KCND2: variants seen among roughly 807,000 people sequenced by gnomAD.
KCND2 encodes the protein A-type voltage-gated potassium channel KCND2.
KCND2 carries 16 observed loss-of-function variants against 54.4 expected under a neutral mutation model. The ratio of observed to expected loss-of-function variants is 0.29; its 90% CI spans 0.20 to 0.45. KCND2 has a LOEUF of 0.45. Among genes scored for constraint, KCND2 ranks in the 20% least tolerant of loss-of-function variants. The probability of loss-of-function intolerance (pLI) is 1.00; values close to 1 mark genes in which losing one functional copy is unlikely to be tolerated. For synonymous variants in KCND2, 317 were observed against 310.7 expected (o/e 1.02, Z -0.21); for missense variants, 486 against 824.2 (o/e 0.59, Z 5.02).
intron 1 of KCND2, among the ~76,000 whole-genome samples, chr7:120,335,570 G>T (rs1048103613): frequency 2.0e-5 from 3 of 151,018 alleles, no homozygotes; most frequent in African/African-American, 4.9e-5. Flanking sequence ...CACTGCAAGC[G>T]CCACCTCCGG....
At chr7:120,617,552 T>G (rs1228766856) in intron 1 of KCND2, among the ~76,000 whole-genome samples, 2 of 152,200 alleles carry the variant, frequency 1.3e-5, no homozygotes, top group Admixed American at 1.3e-4. Flanking sequence ...GAATGTAAAT[T>G]AGTTCAGTCA....
intron 1 of KCND2, among the ~76,000 whole-genome samples, chr7:120,654,785 T>C (rs1049041954): frequency 1.2e-4 from 18 of 152,192 alleles, no homozygotes; most frequent in Middle Eastern, 3.4e-3. Context: ...CATTAGTGGA[T>C]GGAGATATAG....
intron 1 of KCND2, among the ~76,000 whole-genome samples, chr7:120,698,022 CTTTTTTTTTTT>C (rs35589294): frequency 3.5e-5 from 3 of 85,594 alleles, no homozygotes; most frequent in South Asian, 8.8e-4. Context: ...TAGATTTGCC[CTTTTTTTTTTT>C]TTTTTTTTTT....
chr7:120,717,953 G>A (rs142076737), intron 1 of KCND2, among the ~76,000 whole-genome samples: 84 of 152,184 alleles, frequency 5.5e-4, no homozygotes, highest in African/African-American at 1.9e-3. Context: ...CACAGTGTTT[G>A]GAGCATAATA....
At chr7:120,279,589 A>G (rs1238615175) in intron 1 of KCND2, among the ~76,000 whole-genome samples, 1 of 151,948 alleles carries the variant, frequency 6.6e-6, no homozygotes, top group African/African-American at 2.4e-5. Context: ...TTTGTATTAT[A>G]TATTTATCTA....
intron 2 of KCND2, 146 bp downstream of exon 2, chr7:120,733,211 A>C (rs1792829395): frequency 1.3e-6 from 1 of 744,202 alleles, no homozygotes; most frequent in South Asian, 1.6e-5. Context: ...CACTAAAAAG[A>C]AACGTAACAT....
At chr7:120,629,257 G>A (rs1793199018) in intron 1 of KCND2, among the ~76,000 whole-genome samples, 1 of 152,220 alleles carries the variant, frequency 6.6e-6, no homozygotes, top group Non-Finnish European at 1.5e-5. Flanking sequence ...GGAGGCCGAG[G>A]CAGGCGGATC....
chr7:120,303,880 C>T (rs753315874), intron 1 of KCND2, among the ~76,000 whole-genome samples: 2 of 152,152 alleles, frequency 1.3e-5, no homozygotes, highest in Non-Finnish European at 2.9e-5. Context: ...TCCTTCTCTT[C>T]TGGCTGTGGG....
At chr7:120,372,137 A>G (rs1800773778) in intron 1 of KCND2, among the ~76,000 whole-genome samples, 2 of 151,938 alleles carry the variant, frequency 1.3e-5, no homozygotes, top group African/African-American at 4.8e-5. Context: ...TGTTTTAGAT[A>G]TAAGGTATAA....
intron 1 of KCND2, among the ~76,000 whole-genome samples, chr7:120,644,708 TACTC>T (rs1304188890): frequency 6.6e-6 from 1 of 152,198 alleles, no homozygotes; most frequent in Non-Finnish European, 1.5e-5. Flanking sequence ...TACTGATAAA[TACTC>T]ACTATTGTCA....
intron 1 of KCND2, among the ~76,000 whole-genome samples, chr7:120,492,157 A>G (rs1027307548): frequency 6.6e-6 from 1 of 152,016 alleles, no homozygotes; most frequent in African/African-American, 2.4e-5. Flanking sequence ...ATCACTACTC[A>G]TTCTTGTGGA....
At chr7:120,330,815 T>A (rs1450203103) in intron 1 of KCND2, among the ~76,000 whole-genome samples, 1 of 152,102 alleles carries the variant, frequency 6.6e-6, no homozygotes, top group Non-Finnish European at 1.5e-5. Context: ...GCTATTTTAT[T>A]ATTTTTTAAT....
intron 1 of KCND2, among the ~76,000 whole-genome samples, chr7:120,695,112 G>A (rs985236699): frequency 6.6e-6 from 1 of 151,968 alleles, no homozygotes; most frequent in South Asian, 2.1e-4. Flanking sequence ...AGTACTCCAC[G>A]ATGCTAAATA....
At chr7:120,300,090 T>C (rs1168779981) in intron 1 of KCND2, among the ~76,000 whole-genome samples, 4 of 152,166 alleles carry the variant, frequency 2.6e-5, no homozygotes, top group Admixed American at 2.6e-4. Flanking sequence ...GGAAGAACTA[T>C]TGCAAAAGAG....
intron 1 of KCND2, among the ~76,000 whole-genome samples, chr7:120,335,205 A>G (rs1357742744): frequency 2.0e-5 from 3 of 151,950 alleles, no homozygotes; most frequent in Non-Finnish European, 1.5e-5. Context: ...TCTACTAAAA[A>G]TACAAAAATT....
intron 1 of KCND2, among the ~76,000 whole-genome samples, chr7:120,460,691 C>T (rs1473267511): frequency 1.3e-5 from 2 of 151,550 alleles, no homozygotes; most frequent in East Asian, 1.9e-4. Context: ...GTGAAGGTAT[C>T]GGAGGCACCT....
At chr7:120,699,770 T>G (rs1792377914) in intron 1 of KCND2, among the ~76,000 whole-genome samples, 1 of 152,180 alleles carries the variant, frequency 6.6e-6, no homozygotes, top group East Asian at 1.9e-4. Flanking sequence ...ACATTTGACT[T>G]GGGTAAGTTC....
intron 1 of KCND2, among the ~76,000 whole-genome samples, chr7:120,597,974 G>T (rs1456818005): frequency 1.3e-5 from 2 of 151,844 alleles, no homozygotes; most frequent in East Asian, 3.9e-4. Flanking sequence ...GCCTGGAGTG[G>T]GAGATTTGTT....
chr7:120,319,867 G>A (rs143668799), intron 1 of KCND2, among the ~76,000 whole-genome samples: 2 of 151,994 alleles, frequency 1.3e-5, no homozygotes, highest in African/African-American at 2.4e-5. Flanking sequence ...ATTCTAATTA[G>A]TATCATGCTG....
Sources: gnomAD v4.1 joint callset for allele counts (sites outside exome capture counted in the v4.1 genomes callset) on GRCh38, gnomAD v4.1.1 for gene constraint, MANE v1.5 for transcripts, NCBI Gene and HGNC (gene_info 2026-07-23, HGNC 2026-07-21) for gene names.